HEATR4: variants seen among roughly 807,000 people sequenced by gnomAD.
HEATR4 encodes the protein HEAT repeat-containing protein 4.
In HEATR4, 95 loss-of-function variants were observed where a neutral mutation model predicts 108.8. That is an observed-to-expected ratio of 0.87 (90% confidence interval 0.74 to 1.04). The LOEUF is 1.04. Among genes scored for constraint, HEATR4 ranks in the 50% least tolerant of loss-of-function variants. The pLI is 0.00. For synonymous variants in HEATR4, 443 were observed against 459.4 expected (o/e 0.96, Z 0.46); for missense variants, 1,152 against 1,253.8 (o/e 0.92, Z 1.23).
rs774911705 is a variant in HEATR4 at position 73,537,796 on chromosome 14, C to A, written c.-151-7552G>T. ...GGCGGCTGCTGTGCCGGGTGCGGCACGAGCGCTACTTCCTCCCGCCCGGGG... is the reference window on the plus strand; with the variant it reads ...GGCGGCTGCTGTGCCGGGTGCGGCAAGAGCGCTACTTCCTCCCGCCCGGGG... On this transcript the variant is annotated intron_variant, in intron 1 of 17. Transcript: ENST00000553558. 5 of 1,223,740 alleles carry A rather than the reference C, an allele frequency of 4.1e-6. 2 individuals are homozygous for A. The Admixed American group carries it at 1.3e-4, about 32-fold the overall frequency. 75.8% of individuals were successfully genotyped at this position (1,223,740 alleles called of 1,614,324 possible). A position where few individuals can be genotyped will look rare whatever the true frequency, so the allele number is the denominator to read the frequency against.
In HEATR4 at chr14:73,537,802, CT is replaced by C. The variant is rs749017062; in HGVS notation, c.-151-7559del. 96 of 1,219,566 alleles carry C rather than the reference CT, an allele frequency of 7.9e-5. 28 individuals are homozygous for C. The African/African-American group carries it at 1.4e-3, about 18-fold the overall frequency. The allele number at this position is 1,219,566 out of a possible 1,614,324, so 75.5% of individuals were successfully genotyped here. On this transcript the variant is annotated intron_variant, in intron 1 of 17. Coordinates refer to ENST00000553558, the MANE Select transcript of HEATR4 (RefSeq NM_001220484.1). ...TGCTGTGCCGGGTGCGGCACGAGCG[CT>C]ACTTCCTCCCGCCCGGGGTGCGGCG... is the stretch of plus-strand genomic sequence containing the variant.
At chr14:73,504,927 G>A (rs891727819) in intron 10 of HEATR4, among the ~76,000 whole-genome samples, 3 of 152,050 alleles carry the variant, frequency 2.0e-5, no homozygotes, top group Admixed American at 6.6e-5. Context: ...CATCTTCACC[G>A]ACAGTTGGTT....
chr14:73,535,056 T>G lies in HEATR4; in HGVS notation c.-151-4812A>C, dbSNP rs1249383746. 5.2e-5 allele frequency among the ~76,000 whole-genome samples: 6 copies of G among 115,098 alleles called. 2 individuals are homozygous for G. Among genetic ancestry groups the G allele is most frequent in the Non-Finnish European group, 1.1e-4 (6 of 53,034 alleles). 75.5% of individuals were successfully genotyped at this position (115,098 alleles called of 152,430 possible). A position where few individuals can be genotyped will look rare whatever the true frequency, so the allele number is the denominator to read the frequency against. On this transcript the variant is annotated intron_variant, in intron 1 of 17. Coordinates refer to ENST00000553558, the MANE Select transcript of HEATR4 (RefSeq NM_001220484.1). Reference sequence around the variant, plus strand: ...TTTTTTCATCAGTTTCATGGAAGAATGCTCATCATATATTCTTCTGCTTTA... The same window carrying G: ...TTTTTTCATCAGTTTCATGGAAGAAGGCTCATCATATATTCTTCTGCTTTA...
intron 11 of HEATR4, 72 bp downstream of exon 11, chr14:73,502,823 C>T: frequency 2.5e-6 from 3 of 1,191,308 alleles, no homozygotes; most frequent in South Asian, 2.4e-5. Context: ...TTGGGAGCCA[C>T]CTTGCCCAGC....
At chr14:73,566,203 T>G in the HEATR4 span, among the ~76,000 whole-genome samples, 40 of 152,172 alleles carry the variant, frequency 2.6e-4, 1 homozygote, top group Non-Finnish European at 3.5e-4. Context: ...TTGGTGTATT[T>G]ACAATCCCCT....
chr14:73,513,943 T>C, intron 6 of HEATR4, 88 bp downstream of exon 6: 4 of 1,340,484 alleles, frequency 3.0e-6, no homozygotes, highest in South Asian at 1.2e-5. Context: ...AAAGGAGGGA[T>C]GGATTTTTCA....
chr14:73,620,014 C>A, the HEATR4 span: 2 of 665,508 alleles, frequency 3.0e-6, no homozygotes, highest in Non-Finnish European at 4.7e-6. Flanking sequence ...CAGGTCCAAG[C>A]TGTTCTCCGA....
chr14:73,505,380 G>C (rs1360205798), intron 10 of HEATR4, among the ~76,000 whole-genome samples: 4 of 151,554 alleles, frequency 2.6e-5, no homozygotes, highest in Admixed American at 2.6e-4. Flanking sequence ...TGGGACAATG[G>C]TTTTTTTGTT....
chr14:73,629,003 C>T, the HEATR4 span, among the ~76,000 whole-genome samples: 9 of 149,822 alleles, frequency 6.0e-5, no homozygotes, highest in Admixed American at 1.3e-4. Flanking sequence ...TGCAGTGAGC[C>T]GAGATAACGC....
chr14:73,478,805 C>A lies in HEATR4; in HGVS notation c.2882G>T (p.Ser961Ile). ...TCGTGTGGTTAGGCCTGGGACTGAACTTTGTAACCAGGGATTTGGTGCGCG... is the reference window on the plus strand; with the variant it reads ...TCGTGTGGTTAGGCCTGGGACTGAAATTTGTAACCAGGGATTTGGTGCGCG... ...KPRAPNPWLQSSVPGLTTRSK... is the reference protein window; with the variant it reads ...KPRAPNPWLQISVPGLTTRSK... Residue 961 changes from serine (S) to isoleucine (I), a missense_variant, in exon 18 of 18, where the codon AGT becomes ATT. Physicochemically the swap from Ser to Ile is moderately radical, Grantham distance 142 (BLOSUM62 -2). Coordinates refer to ENST00000553558, the MANE Select transcript of HEATR4 (RefSeq NM_001220484.1). 6.2e-7 allele frequency: 1 copy of A among 1,610,430 alleles called. No individual in the cohort carries two copies. The highest frequency in any genetic ancestry group is 8.5e-7 in the Non-Finnish European group (1 of 1,178,202).
chr14:73,589,641 C>CT, the HEATR4 span, among the ~76,000 whole-genome samples: 1 of 152,102 alleles, frequency 6.6e-6, no homozygotes, highest in Non-Finnish European at 1.5e-5. Context: ...CATCAAAAAG[C>CT]TTTTTTTAAG....
At chr14:73,605,147 A>G in the HEATR4 span, among the ~76,000 whole-genome samples, 6 of 152,202 alleles carry the variant, frequency 3.9e-5, no homozygotes, top group African/African-American at 9.6e-5. Context: ...AGAAGAAAAA[A>G]AAACATAAGG....
At chr14:73,598,217 C>CAAAAAAAAAAA in the HEATR4 span, among the ~76,000 whole-genome samples, 233 of 54,318 alleles carry the variant, frequency 4.3e-3, no homozygotes, top group Non-Finnish European at 4.5e-3. Context: ...ACTAAAAATA[C>CAAAAAAAAAAA]AAAAAAAAAA....
At chr14:73,551,163 CAAA>C (rs1193889398) in intron 1 of HEATR4, among the ~76,000 whole-genome samples, 23 of 83,270 alleles carry the variant, frequency 2.8e-4, no homozygotes, top group African/African-American at 8.4e-4. Flanking sequence ...GACTCCGTCT[CAAA>C]AAAAAAAAAA....
At chr14:73,605,847 A>G in the HEATR4 span, among the ~76,000 whole-genome samples, 1 of 152,090 alleles carries the variant, frequency 6.6e-6, no homozygotes, top group Non-Finnish European at 1.5e-5. Flanking sequence ...CTGGGATTAC[A>G]GGCATGAGCC....
At chr14:73,629,780 G>C in the HEATR4 span, among the ~76,000 whole-genome samples, 1 of 151,926 alleles carries the variant, frequency 6.6e-6, no homozygotes, top group Non-Finnish European at 1.5e-5. Context: ...AAGTAGCTGG[G>C]ACTACAGGCA....
At chr14:73,488,293 C>T (rs985190942) in intron 17 of HEATR4, among the ~76,000 whole-genome samples, 5 of 152,108 alleles carry the variant, frequency 3.3e-5, no homozygotes, top group Admixed American at 6.6e-5. Context: ...TTGTTTGAGA[C>T]GGAGTCTCGC....
chr14:73,502,524 C>G (rs977277192), intron 11 of HEATR4, among the ~76,000 whole-genome samples: 3 of 151,772 alleles, frequency 2.0e-5, no homozygotes, highest in African/African-American at 7.3e-5. Flanking sequence ...TCAACAAATG[C>G]TGGGTGGCTG....
At chr14:73,594,505 A>G in the HEATR4 span, among the ~76,000 whole-genome samples, 5 of 152,076 alleles carry the variant, frequency 3.3e-5, no homozygotes, top group Admixed American at 2.6e-4. Flanking sequence ...CCAGTTTCCA[A>G]GTTTTTCAGT....
Sources: allele counts gnomAD v4.1 joint callset (sites outside exome capture counted in the v4.1 genomes callset), GRCh38; gene constraint gnomAD v4.1.1; transcripts MANE v1.5; gene names NCBI Gene and HGNC (gene_info 2026-07-23, HGNC 2026-07-21).